The following KAZN variants were observed in gnomAD, a reference collection of about 807,000 sequenced individuals.
KAZN encodes the protein kazrin, periplakin interacting protein, also known as kazrin.
A neutral mutation model predicts 87.4 loss-of-function variants in KAZN; 40 were observed. The observed-to-expected ratio is 0.46, with a 90% confidence interval of 0.36 to 0.60. The LOEUF (loss-of-function observed/expected upper bound fraction) is 0.60, where lower values mean the gene tolerates loss of function less well. Among genes scored for constraint, KAZN ranks in the 20% least tolerant of loss-of-function variants. The probability of loss-of-function intolerance (pLI) is 0.00; values close to 1 mark genes in which losing one functional copy is unlikely to be tolerated. For missense variants in KAZN, 898 were observed against 1,073.9 expected, an observed-to-expected ratio of 0.84 and a Z score of 2.29; for synonymous variants, 466 against 458.3, an observed-to-expected ratio of 1.02 and a Z score of -0.22.
chr1:14,756,093 G>C (rs1372769848), intron 1 of KAZN, among the ~76,000 whole-genome samples: 1 of 152,160 alleles, frequency 6.6e-6, no homozygotes, highest in Admixed American at 6.5e-5. Flanking sequence ...CCATGGCTTT[G>C]TTCCTCATAA....
chr1:14,360,828 C>G (rs1471174787), intron 2 of KAZN, among the ~76,000 whole-genome samples: 1 of 152,156 alleles, frequency 6.6e-6, no homozygotes, highest in Non-Finnish European at 1.5e-5. Flanking sequence ...CCCAGAGGGG[C>G]ACCTGCCAGA....
Position 15,065,977 on chromosome 1 carries a change from C to G in KAZN, c.1222+224C>G, listed in dbSNP as rs1639196646. 10 of 1,363,888 alleles carry G rather than the reference C, an allele frequency of 7.3e-6. No homozygotes were observed. In the South Asian group the frequency reaches 1.8e-4, roughly 25 times the overall value. The allele number at this position is 1,363,888 out of a possible 1,614,324, so 84.5% of individuals were successfully genotyped here. On this transcript the variant is annotated intron_variant, in intron 8 of 14. Transcript: ENST00000376030. ...AGTGAAAACACGAGTGTGAACCTCT[C>G]TCCCCTGCGTCGCCACCTCTGTAAT...
intron 1 of KAZN, among the ~76,000 whole-genome samples, chr1:13,971,873 C>T (rs935657085): frequency 6.6e-6 from 1 of 152,196 alleles, no homozygotes; most frequent in African/African-American, 2.4e-5. Flanking sequence ...CTTGCTCCTG[C>T]TTCCTCCATG....
chr1:14,515,819 T>C (rs1416710832), intron 2 of KAZN, among the ~76,000 whole-genome samples: 1 of 152,064 alleles, frequency 6.6e-6, no homozygotes, highest in Non-Finnish European at 1.5e-5. Context: ...ATGGCTCAAA[T>C]GGTTCTTACT....
At chr1:14,058,486 A>G (rs1359391834) in intron 1 of KAZN, among the ~76,000 whole-genome samples, 1 of 152,214 alleles carries the variant, frequency 6.6e-6, no homozygotes, top group Non-Finnish European at 1.5e-5. Flanking sequence ...TCTCCACATG[A>G]CACCAAGTCA....
At chr1:14,573,479 C>G (rs1674994644) in intron 2 of KAZN, among the ~76,000 whole-genome samples, 1 of 152,072 alleles carries the variant, frequency 6.6e-6, no homozygotes. Flanking sequence ...AACCCCGTCT[C>G]TACTAAAAAT....
intron 2 of KAZN, chr1:14,350,887 G>T (rs756767100): frequency 1.3e-5 from 2 of 152,306 alleles, no homozygotes; most frequent in Admixed American, 1.3e-4. Context: ...AGGTTAGCGA[G>T]TTCTCATGAA....
rs528971245 is a variant in KAZN, at chr1:14,284,972, C to T, written c.249+104380C>T. Among the ~76,000 whole-genome samples, 84 of 152,256 alleles carry T rather than the reference C, an allele frequency of 5.5e-4. 3 individuals carry two copies. In the South Asian group the frequency reaches 0.017, roughly 31 times the overall value. ...AGTGCCAAGTTAGCATTTGTTTTGC[C>T]CCCTACTCTCCAGAGAACATGGACG... is the stretch of plus-strand genomic sequence containing the variant. On this transcript the variant is annotated intron_variant, in intron 2 of 16. Transcript: ENST00000636203.
intron 2 of KAZN, among the ~76,000 whole-genome samples, chr1:14,530,902 G>A (rs1284230594): frequency 6.6e-6 from 1 of 152,068 alleles, no homozygotes; most frequent in African/African-American, 2.4e-5. Flanking sequence ...GCAACATGGC[G>A]AAACCTTGTC....
chr1:13,915,183 G>T (rs902155679), intron 1 of KAZN, among the ~76,000 whole-genome samples: 1 of 152,300 alleles, frequency 6.6e-6, no homozygotes, highest in South Asian at 2.1e-4. Context: ...AGGCACACAT[G>T]TATACGATCT....
chr1:14,099,937 C>T (rs1312000763), intron 1 of KAZN, among the ~76,000 whole-genome samples: 2 of 152,106 alleles, frequency 1.3e-5, no homozygotes, highest in African/African-American at 4.8e-5. Context: ...TTTCTCCTTC[C>T]CTCCCTTCCT....
chr1:15,009,473 C>A (rs1010056727), intron 2 of KAZN, among the ~76,000 whole-genome samples: 1 of 152,214 alleles, frequency 6.6e-6, no homozygotes, highest in East Asian at 1.9e-4. Context: ...CACATGGCAC[C>A]CCTTGCTCAG....
chr1:14,345,815 G>T (rs1658065563), intron 2 of KAZN, among the ~76,000 whole-genome samples: 1 of 152,100 alleles, frequency 6.6e-6, no homozygotes. Flanking sequence ...CCACTGTGCT[G>T]GATAATACCT....
At chr1:14,059,291 A>G (rs761498215) in intron 1 of KAZN, among the ~76,000 whole-genome samples, 1 of 152,208 alleles carries the variant, frequency 6.6e-6, no homozygotes, top group Non-Finnish European at 1.5e-5. Context: ...CTCAAAACCA[A>G]GGAAGCTGAC....
chr1:14,382,321 C>CT lies in KAZN; in HGVS notation c.249+201737dup, dbSNP rs546859457. Among the ~76,000 whole-genome samples the CT allele has an allele frequency of 6.8e-3, 1,028 of 152,020 alleles. 12 individuals are homozygous for CT. The highest frequency in any genetic ancestry group is 6.6e-3 in the Non-Finnish European group (447 of 67,934). On this transcript the variant is annotated intron_variant, in intron 2 of 16. Coordinates refer to the KAZN transcript ENST00000636203. ...CTTCACAGAAATAGAAGAAACAATT[C>CT]TTTTTTTTATTATACTTTTAAGTTT...
intron 1 of KAZN, among the ~76,000 whole-genome samples, chr1:14,920,157 T>C (rs1658334198): frequency 6.6e-6 from 1 of 152,224 alleles, no homozygotes; most frequent in Non-Finnish European, 1.5e-5. Flanking sequence ...TTCTGGGTTT[T>C]GTTCCTTAAG....
chr1:14,001,481 T>C (rs867535091), intron 1 of KAZN, among the ~76,000 whole-genome samples: 2 of 152,222 alleles, frequency 1.3e-5, no homozygotes, highest in African/African-American at 4.8e-5. Context: ...ATTGACATTC[T>C]TCACAAAATT....
At chr1:14,450,364 A>G (rs11586732) in intron 2 of KAZN, among the ~76,000 whole-genome samples, 71,153 of 151,898 alleles carry the variant, frequency 0.47, 17,178 homozygotes, top group Middle Eastern at 0.62. Context: ...CGAAGCGGGT[A>G]GATCACCTGA....
chr1:14,862,583 G>A (rs1416934512), intron 1 of KAZN, among the ~76,000 whole-genome samples: 1 of 152,162 alleles, frequency 6.6e-6, no homozygotes, highest in African/African-American at 2.4e-5. Context: ...AATCAGCAGG[G>A]AGTGAAGATG....
Sources: allele counts gnomAD v4.1 joint callset (sites outside exome capture counted in the v4.1 genomes callset), GRCh38; gene constraint gnomAD v4.1.1; transcripts MANE v1.5; gene names NCBI Gene and HGNC (gene_info 2026-07-23, HGNC 2026-07-21).